The following TBC1D1 variants were observed in gnomAD, a reference collection of about 807,000 sequenced individuals.
TBC1D1 encodes the protein TBC1 domain family member 1, also known as TBC1 (tre-2/USP6, BUB2, cdc16) domain family, member 1.
A neutral mutation model predicts 125.6 loss-of-function variants in TBC1D1; 89 were observed. The ratio of observed to expected loss-of-function variants is 0.71; its 90% CI spans 0.60 to 0.85. The LOEUF is 0.85. Ranked by LOEUF, TBC1D1 falls within the 40% of genes least tolerant of loss-of-function variation. The pLI, the probability that TBC1D1 is intolerant of heterozygous loss-of-function variation, is 0.00. For synonymous variants in TBC1D1, 565 were observed against 564.1 expected, an observed-to-expected ratio of 1.00 and a Z score of -0.02; for missense variants, 1,377 against 1,469.2, an observed-to-expected ratio of 0.94 and a Z score of 1.03.
In TBC1D1 at chr4:38,129,306, G is replaced by A. The variant is rs763548758; in HGVS notation, c.3133-3778G>A. 3.9e-5 allele frequency among the ~76,000 whole-genome samples: 6 copies of A among 152,298 alleles called. 1 individual carries two copies. The highest frequency in any genetic ancestry group is 9.6e-5 in the African/African-American group (4 of 41,572). ...TGCCTCTTCTGCCTGTGGGGGAGCC[G>A]TCACTTCTTGGGCAGTTTGCACCGT... On this transcript the variant is annotated intron_variant, in intron 18 of 19. Transcript: ENST00000261439.
intron 2 of TBC1D1, among the ~76,000 whole-genome samples, chr4:37,906,149 T>A (rs1482303261): frequency 6.8e-6 from 1 of 146,398 alleles, no homozygotes; most frequent in African/African-American, 2.8e-5. Flanking sequence ...CCCTTCTTTT[T>A]CTTTTCCCCC....
intron 12 of TBC1D1, among the ~76,000 whole-genome samples, chr4:38,084,606 A>C (rs534264434): frequency 7.2e-5 from 11 of 152,358 alleles, no homozygotes; most frequent in African/African-American, 2.2e-4. Context: ...GACGCTGCAG[A>C]TGTTAATCCC....
chr4:38,045,699 C>A, intron 9 of TBC1D1, 118 bp from the exon 10 acceptor site: 2 of 691,994 alleles, frequency 2.9e-6, no homozygotes, highest in South Asian at 1.7e-5. Flanking sequence ...TCCTTAGTAG[C>A]ATTTCTCAGT....
At chr4:38,073,135 T>C (rs998606943) in intron 12 of TBC1D1, among the ~76,000 whole-genome samples, 6 of 152,264 alleles carry the variant, frequency 3.9e-5, no homozygotes, top group African/African-American at 1.4e-4. Context: ...TTCGGATATG[T>C]ACCCAGAAGT....
At chr4:38,114,218 A>C (rs1051884165) in intron 15 of TBC1D1, among the ~76,000 whole-genome samples, 3 of 152,178 alleles carry the variant, frequency 2.0e-5, no homozygotes, top group Admixed American at 2.0e-4. Flanking sequence ...TTCTTTGAGC[A>C]CTGGGGAGCT....
At chr4:38,090,834 A>G (rs1758300246) in intron 13 of TBC1D1, among the ~76,000 whole-genome samples, 1 of 152,248 alleles carries the variant, frequency 6.6e-6, no homozygotes, top group African/African-American at 2.4e-5. Context: ...CAAAGGGAAG[A>G]TGTAGCAGAT....
intron 1 of TBC1D1, among the ~76,000 whole-genome samples, chr4:37,900,084 G>A (rs967214443): frequency 6.7e-6 from 1 of 148,362 alleles, no homozygotes; most frequent in African/African-American, 2.5e-5. Flanking sequence ...TCGCGCCACT[G>A]CACTCCAGCC....
At chr4:38,072,114 CA>C (rs1335461969) in intron 12 of TBC1D1, among the ~76,000 whole-genome samples, 2 of 152,192 alleles carry the variant, frequency 1.3e-5, no homozygotes, top group Admixed American at 6.5e-5. Flanking sequence ...CTTGTTTCAT[CA>C]GAGGCAGTAT....
intron 18 of TBC1D1, 99 bp from the exon 21 acceptor site, chr4:38,132,985 A>G: frequency 1.0e-6 from 1 of 999,390 alleles, no homozygotes; most frequent in East Asian, 2.4e-5. Context: ...CGTAGAGGAG[A>G]CGCTTCACAG....
intron 18 of TBC1D1, among the ~76,000 whole-genome samples, chr4:38,132,206 A>G (rs1765701805): frequency 6.7e-6 from 1 of 149,524 alleles, no homozygotes; most frequent in African/African-American, 2.5e-5. Context: ...TTTTCTTTTA[A>G]GATGGTCCCA....
intron 2 of TBC1D1, among the ~76,000 whole-genome samples, chr4:37,982,481 G>A (rs1416242717): frequency 3.3e-5 from 5 of 152,098 alleles, no homozygotes; most frequent in African/African-American, 7.2e-5. Flanking sequence ...GTGCTGCCTC[G>A]GCTAAGCAAA....
At chr4:37,904,748 C>T (rs997409871) in intron 2 of TBC1D1, among the ~76,000 whole-genome samples, 3 of 152,216 alleles carry the variant, frequency 2.0e-5, no homozygotes, top group Non-Finnish European at 2.9e-5. Flanking sequence ...TTACTCTGCT[C>T]ATTTAATAAA....
intron 2 of TBC1D1, among the ~76,000 whole-genome samples, chr4:37,931,326 A>C (rs1171665262): frequency 1.3e-5 from 2 of 151,898 alleles, no homozygotes; most frequent in Non-Finnish European, 2.9e-5. Flanking sequence ...TGAACTCCTG[A>C]CCTCAAGCTA....
chr4:38,073,138 C>G (rs756471805), intron 12 of TBC1D1, among the ~76,000 whole-genome samples: 2 of 152,124 alleles, frequency 1.3e-5, no homozygotes, highest in Non-Finnish European at 2.9e-5. Flanking sequence ...GGATATGTAC[C>G]CAGAAGTGGG....
chr4:37,898,521 G>A (rs1446652552), intron 1 of TBC1D1, among the ~76,000 whole-genome samples: 1 of 152,178 alleles, frequency 6.6e-6, no homozygotes, highest in Non-Finnish European at 1.5e-5. Flanking sequence ...TTCCTCTGGA[G>A]CAAAGGGCAG....
intron 2 of TBC1D1, among the ~76,000 whole-genome samples, chr4:37,958,763 C>T (rs1729386084): frequency 6.6e-6 from 1 of 152,244 alleles, no homozygotes; most frequent in South Asian, 2.1e-4. Flanking sequence ...ATAATAATTC[C>T]TGCTAATGGT....
intron 15 of TBC1D1, among the ~76,000 whole-genome samples, chr4:38,104,725 G>A (rs1482150122): frequency 6.6e-6 from 1 of 151,070 alleles, no homozygotes; most frequent in African/African-American, 2.4e-5. Context: ...AGCCTTAAAG[G>A]TTAATTTCAT....
Position 38,033,861 on chromosome 4 carries a change from G to A in TBC1D1, c.1303-1727G>A, listed in dbSNP as rs149962978. 5.1e-3 allele frequency among the ~76,000 whole-genome samples: 773 copies of A among 152,212 alleles called. 4 individuals are homozygous for A. The highest frequency in any genetic ancestry group is 0.017 in the African/African-American group (701 of 41,512). On this transcript the variant is annotated intron_variant, in intron 7 of 19. Coordinates refer to ENST00000261439, the MANE Select transcript of TBC1D1 (RefSeq NM_015173.4). ...TTAAGGTTCTTCCATGTCTCTTTAT[G>A]GCTTGATAGCTTATTTCTCATTGCT...
At chr4:38,118,010 C>G (rs753800683) in intron 16 of TBC1D1, 23 bp from the exon 19 acceptor site, 2 of 1,612,674 alleles carry the variant, frequency 1.2e-6, no homozygotes, top group Non-Finnish European at 8.5e-7. Flanking sequence ...TAATTCTCAG[C>G]CCTTGTGGCT....
Sources: allele counts gnomAD v4.1 joint callset (sites outside exome capture counted in the v4.1 genomes callset), GRCh38; gene constraint gnomAD v4.1.1; transcripts MANE v1.5; gene names NCBI Gene and HGNC (gene_info 2026-07-23, HGNC 2026-07-21).